CSMD1: variants seen among roughly 807,000 people sequenced by gnomAD.
The protein encoded by CSMD1 is CUB and sushi domain-containing protein 1.
In CSMD1, 213 loss-of-function variants were observed where a neutral mutation model predicts 417.5. That is an observed-to-expected ratio of 0.51 (90% CI 0.46 to 0.57). CSMD1 has a LOEUF of 0.57. CSMD1 is among the 20% of genes least tolerant of loss of function. CSMD1 has a pLI of 0.00. For missense variants in CSMD1, 6,923 were observed against 4,529.7 expected, an observed-to-expected ratio of 1.53 and a Z score of -15.17; for synonymous variants, 2,862 against 1,736.8, an observed-to-expected ratio of 1.65 and a Z score of -16.11.
chr8:4,028,329 T>C (rs1797169495), intron 4 of CSMD1, among the ~76,000 whole-genome samples: 1 of 152,138 alleles, frequency 6.6e-6, no homozygotes, highest in African/African-American at 2.4e-5. Flanking sequence ...GAATCTTTAA[T>C]AAAATGCCTA....
At chr8:4,254,826 C>T (rs548982210) in intron 3 of CSMD1, among the ~76,000 whole-genome samples, 3 of 152,206 alleles carry the variant, frequency 2.0e-5, no homozygotes, top group Admixed American at 6.5e-5. Flanking sequence ...CCTAGGTGTG[C>T]CACAGGCTGT....
At chr8:4,042,920 G>T (rs552037506) in intron 3 of CSMD1, among the ~76,000 whole-genome samples, 1 of 147,250 alleles carries the variant, frequency 6.8e-6, no homozygotes, top group East Asian at 2.1e-4. Context: ...GAGTTCAGGA[G>T]TTCAAGACCA....
intron 8 of CSMD1, among the ~76,000 whole-genome samples, chr8:3,600,836 T>G (rs1037386124): frequency 5.3e-5 from 8 of 152,240 alleles, no homozygotes; most frequent in African/African-American, 1.9e-4. Context: ...TTCATATGCA[T>G]GTTTTGCAAT....
intron 52 of CSMD1, among the ~76,000 whole-genome samples, chr8:3,011,930 C>T (rs955103183): frequency 6.6e-6 from 1 of 152,104 alleles, no homozygotes; most frequent in Non-Finnish European, 1.5e-5. Flanking sequence ...CACAAACTTC[C>T]TGGGTGGATT....
intron 3 of CSMD1, among the ~76,000 whole-genome samples, chr8:4,222,979 C>A (rs542276738): frequency 6.6e-6 from 1 of 151,924 alleles, no homozygotes; most frequent in South Asian, 2.1e-4. Flanking sequence ...CTTTGAGAAG[C>A]TGAAGTTAGA....
chr8:4,320,628 G>A (rs147607801), intron 3 of CSMD1, among the ~76,000 whole-genome samples: 440 of 152,120 alleles, frequency 2.9e-3, no homozygotes, highest in Non-Finnish European at 4.4e-3. Flanking sequence ...CTGTTCTTGT[G>A]TTACTTTGCT....
At chr8:4,264,000 TA>T (rs1443884321) in intron 3 of CSMD1, among the ~76,000 whole-genome samples, 5 of 152,158 alleles carry the variant, frequency 3.3e-5, no homozygotes, top group Admixed American at 3.3e-4. Context: ...GTCTTAGAAG[TA>T]AATCAGATCG....
chr8:4,134,890 C>G (rs574462527), intron 3 of CSMD1, among the ~76,000 whole-genome samples: 1 of 152,136 alleles, frequency 6.6e-6, no homozygotes, highest in African/African-American at 2.4e-5. Context: ...ACAAATTGCT[C>G]GGAAGGCTTT....
At chr8:4,325,006 T>G (rs536349106) in intron 3 of CSMD1, among the ~76,000 whole-genome samples, 5 of 152,210 alleles carry the variant, frequency 3.3e-5, no homozygotes, top group African/African-American at 1.2e-4. Context: ...CCTGGTGTGG[T>G]CACTCATTGA....
In CSMD1 at chr8:3,808,750, G is replaced by C. The variant is rs75336066; in HGVS notation, c.819-54708C>G. ...TCTCTCTCTTTCCTAGCATAGCCTT[G>C]CAAGAACACGAGTTAGCTTTAGGTA... On this transcript the variant is annotated intron_variant, in intron 5 of 69. Transcript: ENST00000635120. Among the ~76,000 whole-genome samples, 824 of 152,280 alleles carry C rather than the reference G, an allele frequency of 5.4e-3. 12 individuals are homozygous for C. The highest frequency in any genetic ancestry group is 0.019 in the African/African-American group (783 of 41,556).
intron 25 of CSMD1, 60 bp from the exon 26 acceptor site, chr8:3,284,406 G>A (rs1175625636): frequency 7.6e-7 from 1 of 1,308,128 alleles, no homozygotes; most frequent in Non-Finnish European, 1.1e-6. Flanking sequence ...TGACCCCATA[G>A]CTGTAAAGTA....
Position 3,205,588 on chromosome 8 carries a change from C to T in CSMD1, c.4900G>A (p.Gly1634Arg). The part of the protein sequence containing the change: ...PCGGQYTGSE[G>R]VVLSPNYPHN... ...GGGTAGTTTGGTGATAAAACTACCC[C>T]TTCTGATCCCGTGTACTGGCCTCCA... The change falls in exon 31 of 70, where the codon GGG becomes AGG. Residue 1634 changes from glycine to arginine, a missense_variant. Coordinates refer to ENST00000635120, the MANE Select transcript of CSMD1 (RefSeq NM_033225.6). The T allele has an allele frequency of 6.3e-7, 1 of 1,590,080 alleles. No homozygotes were observed. Among genetic ancestry groups the T allele is most frequent in the Non-Finnish European group, 8.6e-7 (1 of 1,165,480 alleles).
At chr8:2,984,817 A>G (rs1007717027) in intron 54 of CSMD1, among the ~76,000 whole-genome samples, 2 of 152,392 alleles carry the variant, frequency 1.3e-5, no homozygotes, top group African/African-American at 4.8e-5. Context: ...TCAATCGTCC[A>G]TACCACCATC....
intron 2 of CSMD1, among the ~76,000 whole-genome samples, chr8:4,453,814 CTT>C (rs60422486): frequency 0.012 from 814 of 67,632 alleles, 2 homozygotes; most frequent in African/African-American, 0.043. Context: ...CAATTCGTTT[CTT>C]TTTTTTTTTT....
chr8:4,112,623 C>G (rs115293148), intron 3 of CSMD1, among the ~76,000 whole-genome samples: 1 of 152,174 alleles, frequency 6.6e-6, no homozygotes, highest in African/African-American at 2.4e-5. Context: ...TCTCAGCAAG[C>G]AGGGACCTGT....
chr8:4,881,615 G>T (rs1043565189), intron 1 of CSMD1, among the ~76,000 whole-genome samples: 7 of 145,806 alleles, frequency 4.8e-5, no homozygotes, highest in Non-Finnish European at 9.0e-5. Flanking sequence ...ATGTTTAATT[G>T]ATTTCTTAAA....
chr8:3,633,774 T>A (rs918002778), intron 7 of CSMD1, among the ~76,000 whole-genome samples: 1 of 152,230 alleles, frequency 6.6e-6, no homozygotes, highest in East Asian at 1.9e-4. Context: ...CATTGCTTTA[T>A]AATCAGATAT....
intron 5 of CSMD1, among the ~76,000 whole-genome samples, chr8:3,755,164 C>T (rs1797586777): frequency 6.6e-6 from 1 of 152,174 alleles, no homozygotes; most frequent in Non-Finnish European, 1.5e-5. Context: ...GCAAGGGACA[C>T]ATTTAGTTTT....
chr8:3,463,070 T>A (rs1816608981), intron 12 of CSMD1, among the ~76,000 whole-genome samples: 1 of 152,216 alleles, frequency 6.6e-6, no homozygotes, highest in Non-Finnish European at 1.5e-5. Context: ...GCCACTGCCT[T>A]GATCGTGGAC....
Sources: gnomAD v4.1 joint callset for allele counts (sites outside exome capture counted in the v4.1 genomes callset) on GRCh38, gnomAD v4.1.1 for gene constraint, MANE v1.5 for transcripts, NCBI Gene and HGNC (gene_info 2026-07-23, HGNC 2026-07-21) for gene names.